MTA3: variants seen among roughly 807,000 people sequenced by gnomAD.
MTA3 encodes the protein metastasis associated 1 family member 3, also known as metastasis-associated protein MTA3.
MTA3 carries 34 observed loss-of-function variants against 83.5 expected under a neutral mutation model. The ratio of observed to expected loss-of-function variants is 0.41; its 90% CI spans 0.31 to 0.54. The LOEUF (loss-of-function observed/expected upper bound fraction) is 0.54. Among genes scored for constraint, MTA3 ranks in the 20% least tolerant of loss-of-function variants. The pLI is 0.33. For missense variants in MTA3, 761 were observed against 726.4 expected (o/e 1.05, Z -0.55); for synonymous variants, 303 against 252.7 (o/e 1.20, Z -1.89).
At chr2:42,642,046 T>C (rs529109128) in intron 5 of MTA3, among the ~76,000 whole-genome samples, 10 of 152,186 alleles carry the variant, frequency 6.6e-5, no homozygotes, top group African/African-American at 1.9e-4. Context: ...AAATAAAATA[T>C]TGAGATTGGC....
chr2:42,584,214 T>C (rs1365125142), intron 3 of MTA3, among the ~76,000 whole-genome samples: 1 of 152,102 alleles, frequency 6.6e-6, no homozygotes. Flanking sequence ...AAGAATACAG[T>C]ATGCCTGGTG....
At chr2:42,706,163 ATACC>A (rs1666062238) in intron 12 of MTA3, among the ~76,000 whole-genome samples, 2 of 152,190 alleles carry the variant, frequency 1.3e-5, no homozygotes, top group Non-Finnish European at 2.9e-5. Flanking sequence ...TTTAGGAGAT[ATACC>A]TAATGCTAAA....
chr2:42,520,599 G>A (rs1165160317), intron 2 of MTA3, among the ~76,000 whole-genome samples: 1 of 148,182 alleles, frequency 6.7e-6, no homozygotes, highest in Non-Finnish European at 1.5e-5. Flanking sequence ...TTTTCTTTTT[G>A]AGATAGGGTC....
chr2:42,543,440 T>C (rs1284535006), intron 2 of MTA3, among the ~76,000 whole-genome samples: 1 of 151,972 alleles, frequency 6.6e-6, no homozygotes, highest in African/African-American at 2.4e-5. Context: ...CCTCCCAAAG[T>C]GGTGGGTTTA....
At chr2:42,683,832 GTCCAT>G (rs1447643712) in intron 9 of MTA3, among the ~76,000 whole-genome samples, 4 of 152,150 alleles carry the variant, frequency 2.6e-5, no homozygotes, top group African/African-American at 7.2e-5. Flanking sequence ...TCGCTCGCTT[GTCCAT>G]TCAACACCTG....
At position 42,704,212 on chromosome 2, in the gene MTA3, C is replaced by T. The variant is rs762952933; in HGVS notation, c.1044C>T (p.Asn348=). 3.7e-6 allele frequency: 6 copies of T among 1,613,858 alleles called. No individual in the cohort carries two copies. Among genetic ancestry groups the T allele is most frequent in the Non-Finnish European group, 4.2e-6 (5 of 1,179,818 alleles). ...YIPTYSKPNP[N]QISTSNGKPG... is the part of the protein sequence containing the mutation. ...TTGAAAGCAGCAAACCAAATCCCAA[C>T]CAAATATCCACTAGTAATGGGAAGC... The change falls in exon 12 of 17, where the codon AAC becomes AAT. Residue 348 remains asparagine, a synonymous_variant. Transcript: ENST00000405094.
chr2:42,656,107 A>G, intron 6 of MTA3, 93 bp from the exon 7 acceptor site: 1 of 945,424 alleles, frequency 1.1e-6, no homozygotes, highest in Middle Eastern at 2.2e-4. Context: ...TTACACATAA[A>G]CATTTCTAAT....
intron 3 of MTA3, among the ~76,000 whole-genome samples, chr2:42,591,382 A>G (rs1241712082): frequency 6.6e-6 from 1 of 152,230 alleles, no homozygotes; most frequent in Non-Finnish European, 1.5e-5. Context: ...GTAGAATGTG[A>G]AGGCCTAGTA....
At chr2:42,723,321 C>G in intron 16 of MTA3, 2 of 356,098 alleles carry the variant, frequency 5.6e-6, no homozygotes, top group Non-Finnish European at 5.2e-6. Flanking sequence ...AATGTTCTTG[C>G]TGTGATGCGC....
chr2:42,516,399 T>A (rs1402294128), intron 2 of MTA3, among the ~76,000 whole-genome samples: 2 of 152,190 alleles, frequency 1.3e-5, no homozygotes, highest in African/African-American at 4.8e-5. Flanking sequence ...AATGGATACA[T>A]CTTTATGAAA....
intron 2 of MTA3, among the ~76,000 whole-genome samples, chr2:42,514,682 C>CGTTT (rs1201134677): frequency 3.7e-5 from 2 of 53,492 alleles, no homozygotes; most frequent in Non-Finnish European, 3.1e-5. Flanking sequence ...CGCCCAGCCC[C>CGTTT]TTTTTTTTTT....
At chr2:42,732,704 G>T (rs1668316426) in intron 16 of MTA3, among the ~76,000 whole-genome samples, 3 of 152,142 alleles carry the variant, frequency 2.0e-5, no homozygotes, top group African/African-American at 7.2e-5. Flanking sequence ...GAACTTTTAT[G>T]CTGTTTCCCT....
At chr2:42,710,384 C>T (rs895998825) in intron 14 of MTA3, among the ~76,000 whole-genome samples, 1 of 151,728 alleles carries the variant, frequency 6.6e-6, no homozygotes, top group Admixed American at 6.6e-5. Flanking sequence ...GAAACTGTCT[C>T]TACTAAATAT....
intron 2 of MTA3, among the ~76,000 whole-genome samples, chr2:42,531,443 C>CGCTTTTT (rs1675960615): frequency 1.0e-5 from 1 of 97,922 alleles, no homozygotes; most frequent in Non-Finnish European, 2.1e-5. Flanking sequence ...CAGAAGCAAA[C>CGCTTTTT]TCTTTTTTTT....
At chr2:42,667,645 GAGAGAGA>G (rs1690401048) in intron 8 of MTA3, among the ~76,000 whole-genome samples, 1 of 147,632 alleles carries the variant, frequency 6.8e-6, no homozygotes, top group African/African-American at 2.5e-5. Flanking sequence ...GAGAGAGAGA[GAGAGAGA>G]GAGAGTCAGT....
chr2:42,659,589 A>G, intron 7 of MTA3, 174 bp from the exon 8 acceptor site: 1 of 354,668 alleles, frequency 2.8e-6, no homozygotes, highest in Non-Finnish European at 5.0e-6. Context: ...CAATTATTAT[A>G]TCTTATAGAG....
Position 42,505,252 on chromosome 2 carries a change from C to G in MTA3, c.-141+9998C>G, listed in dbSNP as rs896290366. 5.3e-5 allele frequency among the ~76,000 whole-genome samples: 8 copies of G among 152,148 alleles called. No homozygotes were observed. The South Asian group carries it at 1.7e-3, about 32-fold the overall frequency. ...CTAAAAATACAAAAAATTAGCCCGGCGTGGTGGCATGCACCTGTAGTCCCA... is the reference window on the plus strand; with the variant it reads ...CTAAAAATACAAAAAATTAGCCCGGGGTGGTGGCATGCACCTGTAGTCCCA... On this transcript the variant is annotated intron_variant, in intron 2 of 17. Coordinates refer to the MTA3 transcript ENST00000405592.
At chr2:42,735,569 C>T (rs1255872303) in intron 16 of MTA3, among the ~76,000 whole-genome samples, 1 of 152,140 alleles carries the variant, frequency 6.6e-6, no homozygotes, top group Non-Finnish European at 1.5e-5. Flanking sequence ...TGTCCCTCTA[C>T]TTCCTCTTTA....
At chr2:42,538,770 T>G (rs867084555) in intron 2 of MTA3, among the ~76,000 whole-genome samples, 2 of 105,434 alleles carry the variant, frequency 1.9e-5, no homozygotes, top group Non-Finnish European at 2.0e-5. Context: ...TTTTTTTGTT[T>G]TTTTTTGTTT....
Sources: gnomAD v4.1 joint callset for allele counts (sites outside exome capture counted in the v4.1 genomes callset) on GRCh38, gnomAD v4.1.1 for gene constraint, MANE v1.5 for transcripts, NCBI Gene and HGNC (gene_info 2026-07-23, HGNC 2026-07-21) for gene names.